The following KDM2A variants were observed in gnomAD, a reference collection of about 807,000 sequenced individuals.
KDM2A encodes lysine demethylase 2A, also known as lysine-specific demethylase 2A.
Under a neutral mutation model 137.3 loss-of-function variants are expected in KDM2A, and 3 were observed. The ratio of observed to expected loss-of-function variants is 0.02; its 90% CI spans 0.01 to 0.06. The LOEUF is 0.06. Among genes scored for constraint, KDM2A ranks in the 10% least tolerant of loss-of-function variants. KDM2A has a pLI of 1.00. For missense variants in KDM2A, 738 were observed against 1,510.6 expected (o/e 0.49, Z 8.48); for synonymous variants, 512 against 541.5 (o/e 0.95, Z 0.76).
chr11:67,174,527 C>G (rs1461816353), intron 2 of KDM2A, among the ~76,000 whole-genome samples: 1 of 152,084 alleles, frequency 6.6e-6, no homozygotes, highest in Non-Finnish European at 1.5e-5. Context: ...CTACTTGCAT[C>G]TAGTGTTGCT....
chr11:67,236,453 T>G (rs983053000), intron 12 of KDM2A, among the ~76,000 whole-genome samples: 4 of 152,176 alleles, frequency 2.6e-5, no homozygotes, highest in African/African-American at 9.7e-5. Context: ...TTAATCAGAT[T>G]GTTGTTTTTG....
chr11:67,218,916 C>T (rs948914615), intron 9 of KDM2A, among the ~76,000 whole-genome samples: 3 of 152,156 alleles, frequency 2.0e-5, no homozygotes, highest in Admixed American at 2.0e-4. Context: ...GTCATGTTAG[C>T]GTATTTTATG....
intron 12 of KDM2A, among the ~76,000 whole-genome samples, chr11:67,242,226 T>A (rs898485915): frequency 6.6e-6 from 1 of 152,138 alleles, no homozygotes; most frequent in Non-Finnish European, 1.5e-5. Flanking sequence ...AGATTGTTCC[T>A]TTCCCCCATT....
At chr11:67,154,187 A>G (rs1856464898) in intron 2 of KDM2A, among the ~76,000 whole-genome samples, 1 of 152,226 alleles carries the variant, frequency 6.6e-6, no homozygotes, top group Non-Finnish European at 1.5e-5. Context: ...ATAGAGGTGA[A>G]CTACAACCCA....
chr11:67,193,740 A>G (rs1192121458), intron 5 of KDM2A, among the ~76,000 whole-genome samples: 2 of 151,998 alleles, frequency 1.3e-5, no homozygotes, highest in South Asian at 2.1e-4. Context: ...AGGCGCCTCT[A>G]CTCCCAACTA....
In KDM2A at chr11:67,254,523, C is replaced by G; in HGVS notation, c.3307+105C>G. 1 of 933,502 alleles carries G rather than the reference C, an allele frequency of 1.1e-6. No individual in the cohort carries two copies. Among genetic ancestry groups the G allele is most frequent in the Non-Finnish European group, 1.7e-6 (1 of 584,272 alleles). The allele number at this position is 933,502 out of a possible 1,614,324, so 57.8% of individuals were successfully genotyped here. A position where few individuals can be genotyped will look rare whatever the true frequency, so the allele number is the denominator to read the frequency against. ...GACCTTGGGTCTGTTGATTGACCCACATCAGCTCATTTCTTCACATCTGGA... is the reference window on the plus strand; with the variant it reads ...GACCTTGGGTCTGTTGATTGACCCAGATCAGCTCATTTCTTCACATCTGGA... On this transcript the variant is annotated intron_variant, in intron 20 of 20. Transcript: ENST00000529006. This position sits in a 1 kb window ranked among gnomAD's most constrained non-coding sequence, Gnocchi z 4.7.
intron 2 of KDM2A, among the ~76,000 whole-genome samples, chr11:67,170,135 A>G (rs1856847154): frequency 6.6e-6 from 1 of 152,164 alleles, no homozygotes; most frequent in African/African-American, 2.4e-5. Context: ...CATGGCATAC[A>G]CACAATAAAT....
intron 8 of KDM2A, among the ~76,000 whole-genome samples, chr11:67,217,174 G>A (rs1467083666): frequency 6.6e-6 from 1 of 151,374 alleles, no homozygotes; most frequent in African/African-American, 2.4e-5. Flanking sequence ...CCCAGGAGGT[G>A]GAGGTTACGG....
chr11:67,142,384 C>G (rs1856125759), intron 2 of KDM2A, among the ~76,000 whole-genome samples: 1 of 149,184 alleles, frequency 6.7e-6, no homozygotes, highest in South Asian at 2.2e-4. Context: ...GGTGTGGTGG[C>G]TCATGCCTGT....
chr11:67,235,629 G>A (rs2136432744), intron 12 of KDM2A, among the ~76,000 whole-genome samples: 1 of 147,606 alleles, frequency 6.8e-6, no homozygotes, highest in East Asian at 2.0e-4. Context: ...GTTTTGTTTT[G>A]TTTTGTTTTT....
chr11:67,168,593 A>AC (rs1856804704), intron 2 of KDM2A, among the ~76,000 whole-genome samples: 1 of 42,900 alleles, frequency 2.3e-5, no homozygotes. Context: ...ACACACACAC[A>AC]CACACACACA....
At chr11:67,206,716 G>T (rs745978847) in intron 5 of KDM2A, among the ~76,000 whole-genome samples, 3 of 152,248 alleles carry the variant, frequency 2.0e-5, no homozygotes, top group African/African-American at 7.2e-5. Flanking sequence ...CAGCCTGAGC[G>T]ACAGAGCGAG....
Position 67,257,969 on chromosome 11 carries a change from T to C in KDM2A, c.*2914T>C, listed in dbSNP as rs189692995. The C allele has an allele frequency of 6.6e-6, 1 of 152,358 alleles. No homozygotes were observed. Among genetic ancestry groups the C allele is most frequent in the Non-Finnish European group, 1.5e-5 (1 of 68,030 alleles). The allele number at this position is 152,358 out of a possible 1,614,324, so 9.4% of individuals were successfully genotyped here. A position where few individuals can be genotyped will look rare whatever the true frequency, so the allele number is the denominator to read the frequency against. ...TGGGTGATATTTGTGTAATAAAATTTTTAAAAGACAAAAAAAGAAATAGCC... is the reference window on the plus strand; with the variant it reads ...TGGGTGATATTTGTGTAATAAAATTCTTAAAAGACAAAAAAAGAAATAGCC... On this transcript the variant is annotated 3_prime_UTR_variant, in exon 21 of 21. Coordinates refer to ENST00000529006, the MANE Select transcript of KDM2A (RefSeq NM_012308.3).
chr11:67,210,933 A>G (rs1399957671), intron 6 of KDM2A, among the ~76,000 whole-genome samples: 3 of 151,886 alleles, frequency 2.0e-5, no homozygotes, highest in Non-Finnish European at 4.4e-5. Context: ...CTTGAGCCCA[A>G]GAGTTCGAGA....
Position 67,193,820 on chromosome 11 carries a change from C to T in KDM2A, c.307+11928C>T, listed in dbSNP as rs564068379. ...AGGTTGCGGTAAGCTGAGACCATGT[C>T]GTTGTATTCCAGCCTGGGCAACAGA... On this transcript the variant is annotated intron_variant, in intron 5 of 20. Coordinates refer to ENST00000529006, the MANE Select transcript of KDM2A (RefSeq NM_012308.3). Among the ~76,000 whole-genome samples the T allele has an allele frequency of 4.6e-5, 7 of 152,290 alleles. 1 individual carries two copies. The East Asian group carries it at 5.8e-4, about 13-fold the overall frequency.
rs750891432 is a variant in KDM2A at position 67,252,904 on chromosome 11, C to A, written c.2932+47C>A. ...TGTCTTTCCAGGGGCCCAGAAGAAG[C>A]GGGCAAGAAAAGTTGCATTATTGGC... On this transcript the variant is annotated intron_variant, in intron 18 of 20. Transcript: ENST00000529006. 7.7e-6 allele frequency: 12 copies of A among 1,558,988 alleles called. No individual in the cohort carries two copies. In the Admixed American group the frequency reaches 2.2e-4, roughly 29 times the overall value.
intron 17 of KDM2A, chr11:67,252,289 T>G (rs1859452706): frequency 1.4e-5 from 3 of 220,300 alleles, no homozygotes. Flanking sequence ...GGAGCAGGCC[T>G]TCTTAGCTTT....
At chr11:67,158,236 C>G (rs1015161382) in intron 2 of KDM2A, among the ~76,000 whole-genome samples, 4 of 152,126 alleles carry the variant, frequency 2.6e-5, no homozygotes, top group African/African-American at 9.7e-5. Flanking sequence ...TATGGTTCCT[C>G]CATGTCTCTT....
At chr11:67,197,563 A>G (rs1857512423) in intron 5 of KDM2A, among the ~76,000 whole-genome samples, 1 of 152,180 alleles carries the variant, frequency 6.6e-6, no homozygotes, top group Non-Finnish European at 1.5e-5. Flanking sequence ...ATGCAGTGAA[A>G]AAGCTGATCC....
Sources: gnomAD v4.1 joint callset for allele counts (sites outside exome capture counted in the v4.1 genomes callset) on GRCh38, gnomAD v4.1.1 for gene constraint, Gnocchi (gnomAD v3.1) non-coding constraint, MANE v1.5 for transcripts, NCBI Gene and HGNC (gene_info 2026-07-23, HGNC 2026-07-21) for gene names.